Variants in RAD17 observed in about 807,000 individuals in gnomAD.
RAD17 encodes RAD17 checkpoint clamp loader component.
Under a neutral mutation model 81.5 loss-of-function variants are expected in RAD17, and 31 were observed. That is an observed-to-expected ratio of 0.38 (90% CI 0.29 to 0.51). RAD17 has a LOEUF of 0.51. Ranked by LOEUF, RAD17 falls within the 20% of genes least tolerant of loss-of-function variation. RAD17 has a pLI of 0.88. For synonymous variants in RAD17, 261 were observed against 266.2 expected (o/e 0.98, Z 0.19); for missense variants, 681 against 781.2 (o/e 0.87, Z 1.53).
intron 17 of RAD17, among the ~76,000 whole-genome samples, chr5:69,402,298 A>G (rs1340012447): frequency 1.3e-5 from 2 of 151,538 alleles, no homozygotes; most frequent in African/African-American, 2.4e-5. Context: ...TGATCTGCCC[A>G]CCTCGGACTC....
In RAD17 at chr5:69,400,367, G is replaced by A. The variant is rs985817104; in HGVS notation, c.1693+198G>A. On this transcript the variant is annotated intron_variant, in intron 17 of 18. Transcript: ENST00000354868. ...TGAGTAGCTGGGACCACAGGCACGC[G>A]CCCCCACACCTGGCTAATTTTTGTA... Among the ~76,000 whole-genome samples the A allele has an allele frequency of 3.0e-4, 45 of 151,696 alleles. 1 individual carries two copies. The highest frequency in any genetic ancestry group is 6.5e-4 in the African/African-American group (27 of 41,410).
chr5:69,377,288 A>G (rs1324751227), intron 6 of RAD17, among the ~76,000 whole-genome samples: 3 of 151,222 alleles, frequency 2.0e-5, no homozygotes, highest in East Asian at 3.9e-4. Context: ...CAGCTTAGCT[A>G]ATAGTTTTTA....
At chr5:69,374,867 T>C (rs542891112) in intron 6 of RAD17, among the ~76,000 whole-genome samples, 156 bp downstream of exon 6, 2 of 152,358 alleles carry the variant, frequency 1.3e-5, no homozygotes, top group Admixed American at 6.5e-5. Context: ...GACTCATGCC[T>C]GTAATCCCAG....
chr5:69,372,705 G>A (rs1002623973), intron 4 of RAD17, among the ~76,000 whole-genome samples: 22 of 151,866 alleles, frequency 1.4e-4, no homozygotes, highest in Middle Eastern at 3.2e-3. Flanking sequence ...TTGACCTCCC[G>A]CGCTCAAGTG....
intron 6 of RAD17, among the ~76,000 whole-genome samples, chr5:69,379,770 C>T (rs1763730471): frequency 6.6e-6 from 1 of 152,170 alleles, no homozygotes; most frequent in African/African-American, 2.4e-5. Flanking sequence ...GTCTTGTCCA[C>T]TGGAAGGTCT....
chr5:69,398,124 A>G (rs1450257782), intron 16 of RAD17, among the ~76,000 whole-genome samples: 1 of 152,182 alleles, frequency 6.6e-6, no homozygotes, highest in Non-Finnish European at 1.5e-5. Context: ...CTAAAAAAAA[A>G]AAAAGAAAAT....
At position 69,414,066 on chromosome 5, in the gene RAD17, G is replaced by C. The variant is rs1204524927; in HGVS notation, c.1787G>C (p.Gly596Ala). The change falls in exon 19 of 19, where the codon GGA (glycine) becomes GCA (alanine). Residue 596 changes from glycine to alanine, a missense_variant. By Grantham distance (60) the Gly-to-Ala change is moderately conservative. Coordinates refer to ENST00000354868, the MANE Select transcript of RAD17 (RefSeq NM_133338.3). ...GAAGCCCTGACTGACAGGGAACATG[G>C]AATGATAGACCCTGACAGCGGAGAT... ...KMEALTDREHGMIDPDSGDEA... is the reference protein window; with the variant it reads ...KMEALTDREHAMIDPDSGDEA... 3.7e-6 allele frequency: 6 copies of C among 1,614,082 alleles called. No homozygotes were observed. In the Admixed American group the frequency reaches 8.3e-5, roughly 22 times the overall value.
At chr5:69,385,943 T>C (rs1764185268) in intron 8 of RAD17, 100 bp from the exon 9 acceptor site, 1 of 1,158,506 alleles carries the variant, frequency 8.6e-7, no homozygotes. Flanking sequence ...TAAAATACAT[T>C]GAATAAATAT....
At chr5:69,399,451 G>A (rs1415982664) in intron 16 of RAD17, among the ~76,000 whole-genome samples, 1 of 152,126 alleles carries the variant, frequency 6.6e-6, no homozygotes, top group African/African-American at 2.4e-5. Context: ...TCTCTGAGAT[G>A]TCTTCCAGTT....
chr5:69,405,045 CTT>C (rs754067225), intron 17 of RAD17, among the ~76,000 whole-genome samples: 3 of 152,150 alleles, frequency 2.0e-5, no homozygotes, highest in Non-Finnish European at 4.4e-5. Flanking sequence ...GGGAAACACA[CTT>C]AAAACCACAA....
intron 5 of RAD17, among the ~76,000 whole-genome samples, 167 bp from the exon 6 acceptor site, chr5:69,374,461 C>T (rs1259012742): frequency 6.6e-6 from 1 of 152,062 alleles, no homozygotes; most frequent in East Asian, 1.9e-4. Context: ...ATAATTTTTC[C>T]ATAATAGTAT....
chr5:69,373,884 T>C lies in RAD17; in HGVS notation c.64T>C (p.Ser22Pro). The change falls in exon 5 of 19, where the codon TCT (serine) becomes CCT (proline). Residue 22 changes from serine to proline, a missense_variant. Physicochemically the swap from Ser to Pro is moderately conservative, Grantham distance 74. Coordinates refer to ENST00000354868, the MANE Select transcript of RAD17 (RefSeq NM_133338.3). ...TGATTTTCTAGAGTGTAGTGGCGTC[T>C]CTACTATTACTGCCACATCATTAGG... ...FDDFLECSGV[S>P]TITATSLGVN... 1 of 1,609,926 alleles carries C rather than the reference T, an allele frequency of 6.2e-7. No individual in the cohort carries two copies. Among genetic ancestry groups the C allele is most frequent in the Non-Finnish European group, 8.5e-7 (1 of 1,176,448 alleles).
chr5:69,400,529 T>C (rs968206075), intron 17 of RAD17, among the ~76,000 whole-genome samples: 1 of 152,160 alleles, frequency 6.6e-6, no homozygotes, highest in African/African-American at 2.4e-5. Context: ...AGTAGGGTTT[T>C]ATAGCAATAT....
At chr5:69,382,670 G>GC (rs756002237) in intron 7 of RAD17, among the ~76,000 whole-genome samples, 1 of 151,984 alleles carries the variant, frequency 6.6e-6, no homozygotes, top group African/African-American at 2.4e-5. Flanking sequence ...AAAAGAACTT[G>GC]CCCCCCAACA....
intron 16 of RAD17, among the ~76,000 whole-genome samples, chr5:69,399,564 C>T (rs1180561001): frequency 6.6e-6 from 1 of 152,164 alleles, no homozygotes; most frequent in East Asian, 1.9e-4. Flanking sequence ...ATTTATATCT[C>T]ATTGACTTGC....
chr5:69,402,980 A>G (rs551096297), intron 17 of RAD17, among the ~76,000 whole-genome samples: 1 of 152,242 alleles, frequency 6.6e-6, no homozygotes, highest in African/African-American at 2.4e-5. Context: ...AAATTTTTCC[A>G]ATTGTCCTAA....
chr5:69,385,969 A>T, intron 8 of RAD17, 74 bp from the exon 9 acceptor site: 1 of 1,337,552 alleles, frequency 7.5e-7, no homozygotes, highest in Non-Finnish European at 9.8e-7. Context: ...TGCCTACCTC[A>T]ATAAATATAA....
At chr5:69,408,540 G>T (rs1276089034) in intron 17 of RAD17, among the ~76,000 whole-genome samples, 1 of 127,868 alleles carries the variant, frequency 7.8e-6, no homozygotes, top group Non-Finnish European at 1.6e-5. Flanking sequence ...TGAGGAAAGA[G>T]TCTCGCTCTG....
intron 18 of RAD17, among the ~76,000 whole-genome samples, chr5:69,410,965 C>CTATATATATA (rs1554044686): frequency 0.051 from 4,577 of 89,768 alleles, 241 homozygotes; most frequent in African/African-American, 0.091. Context: ...AGATGTCTGT[C>CTATATATATA]TATATATATA....
Sources: gnomAD v4.1 joint callset for allele counts (sites outside exome capture counted in the v4.1 genomes callset) on GRCh38, gnomAD v4.1.1 for gene constraint, MANE v1.5 for transcripts, NCBI Gene and HGNC (gene_info 2026-07-23, HGNC 2026-07-21) for gene names.